Variants in FGF12 observed in about 807,000 individuals in gnomAD.
FGF12 encodes fibroblast growth factor 12.
A neutral mutation model predicts 23.6 loss-of-function variants in FGF12; 14 were observed. The observed-to-expected ratio is 0.59, with a 90% CI of 0.39 to 0.93. The LOEUF (loss-of-function observed/expected upper bound fraction) is 0.93. Among genes scored for constraint, FGF12 ranks in the 40% least tolerant of loss-of-function variants. The probability of loss-of-function intolerance (pLI) is 0.00; values close to 1 mark genes in which losing one functional copy is unlikely to be tolerated. For missense variants in FGF12, 175 were observed against 217.8 expected, an observed-to-expected ratio of 0.80 and a Z score of 1.24; for synonymous variants, 62 against 77.3, an observed-to-expected ratio of 0.80 and a Z score of 1.04.
intron 2 of FGF12, among the ~76,000 whole-genome samples, chr3:192,585,955 G>A (rs1382885078): frequency 2.0e-5 from 3 of 152,090 alleles, no homozygotes; most frequent in Non-Finnish European, 4.4e-5. Flanking sequence ...AATAATATAT[G>A]AAGAGAAAAT....
chr3:192,517,137 G>A (rs1724691948), intron 2 of FGF12: 1 of 152,212 alleles, frequency 6.6e-6, no homozygotes, highest in African/African-American at 2.4e-5. Flanking sequence ...CACTTGAGCA[G>A]AGTGAACAGG....
chr3:192,389,978 C>A (rs185194482), intron 2 of FGF12, among the ~76,000 whole-genome samples: 1 of 152,272 alleles, frequency 6.6e-6, no homozygotes, highest in Admixed American at 6.5e-5. Flanking sequence ...AAAGAAAAAG[C>A]TGTCCTGTAG....
intron 4 of FGF12, among the ~76,000 whole-genome samples, chr3:192,277,429 C>A (rs1044365252): frequency 6.6e-5 from 10 of 152,108 alleles, no homozygotes. Flanking sequence ...ATTGCAAAAC[C>A]AAGAGACACA....
chr3:192,503,360 G>A (rs1453396112), intron 2 of FGF12, among the ~76,000 whole-genome samples: 2 of 152,106 alleles, frequency 1.3e-5, no homozygotes. Context: ...AGAGAGGGTT[G>A]AAAATGGATC....
At chr3:192,687,647 C>T (rs1390159589) in intron 2 of FGF12, among the ~76,000 whole-genome samples, 1 of 152,116 alleles carries the variant, frequency 6.6e-6, no homozygotes, top group Non-Finnish European at 1.5e-5. Context: ...AGGGCATGCA[C>T]CCAACCCTGC....
chr3:192,544,856 C>A (rs1362295761), intron 2 of FGF12, among the ~76,000 whole-genome samples: 5 of 152,096 alleles, frequency 3.3e-5, no homozygotes, highest in African/African-American at 1.2e-4. Flanking sequence ...TATAGCAGAC[C>A]TTTGTATTTC....
chr3:192,225,255 A>ACTAG (rs1718673529), intron 4 of FGF12, among the ~76,000 whole-genome samples: 1 of 152,060 alleles, frequency 6.6e-6, no homozygotes, highest in South Asian at 2.1e-4. Context: ...CCTCCTGCTC[A>ACTAG]CTAGCCATCA....
intron 2 of FGF12, among the ~76,000 whole-genome samples, chr3:192,502,341 T>G (rs1019304363): frequency 3.9e-5 from 6 of 152,228 alleles, no homozygotes; most frequent in African/African-American, 1.4e-4. Context: ...TTGGCTGCCC[T>G]GTTTGAAAAT....
intron 2 of FGF12, among the ~76,000 whole-genome samples, chr3:192,561,393 C>T (rs181692956): frequency 3.2e-4 from 49 of 151,736 alleles, no homozygotes; most frequent in African/African-American, 6.3e-4. Context: ...GACAGAGTCT[C>T]GCTCTTTCAC....
In FGF12 at chr3:192,215,088, C is replaced by T. The variant is rs556779727; in HGVS notation, c.229-44432G>A. Reference sequence around the variant, plus strand: ...AATCAGAGGATGCTTACGTTGTCATCGGCTCTTCCCGAACTCTCTACAGGA... The same window carrying T: ...AATCAGAGGATGCTTACGTTGTCATTGGCTCTTCCCGAACTCTCTACAGGA... On this transcript the variant is annotated intron_variant, in intron 4 of 5. Transcript: ENST00000445105. 1.1e-4 allele frequency among the ~76,000 whole-genome samples: 16 copies of T among 152,320 alleles called. No individual in the cohort carries two copies. In the South Asian group the frequency reaches 3.1e-3, roughly 30 times the overall value.
chr3:192,325,466 G>C (rs1216313604), intron 4 of FGF12, among the ~76,000 whole-genome samples: 1 of 152,098 alleles, frequency 6.6e-6, no homozygotes, highest in African/African-American at 2.4e-5. Context: ...TGATTCATTT[G>C]ACATTAATAG....
rs78405878 is a variant in FGF12, at chr3:192,244,075, T to G, written c.229-73419A>C. Among the ~76,000 whole-genome samples, 59 of 152,232 alleles carry G rather than the reference T, an allele frequency of 3.9e-4. No individual in the cohort carries two copies. The East Asian group carries it at 0.01, about 26-fold the overall frequency. ...AAAATTACATAACTCACTGTGCTAG[T>G]GAAAGTGCAGAAAAATTGGCACTGT... On this transcript the variant is annotated intron_variant, in intron 4 of 5. Coordinates refer to ENST00000445105, the MANE Select transcript of FGF12 (RefSeq NM_004113.6).
chr3:192,390,710 A>T (rs1720252404), intron 2 of FGF12, among the ~76,000 whole-genome samples: 1 of 152,212 alleles, frequency 6.6e-6, no homozygotes, highest in Non-Finnish European at 1.5e-5. Flanking sequence ...TAAACAATAG[A>T]GTAAAACGTT....
chr3:192,603,067 T>C (rs898758777), intron 2 of FGF12, among the ~76,000 whole-genome samples: 1 of 152,044 alleles, frequency 6.6e-6, no homozygotes, highest in Non-Finnish European at 1.5e-5. Flanking sequence ...GACAAATCTA[T>C]AGGCAACATC....
chr3:192,333,238 T>C (rs1232720700), intron 4 of FGF12, among the ~76,000 whole-genome samples: 2 of 152,130 alleles, frequency 1.3e-5, no homozygotes, highest in Non-Finnish European at 2.9e-5. Flanking sequence ...TTCTTCTTCA[T>C]GGACCTTTGG....
At chr3:192,505,221 C>T (rs1050773795) in intron 2 of FGF12, among the ~76,000 whole-genome samples, 9 of 152,104 alleles carry the variant, frequency 5.9e-5, no homozygotes, top group African/African-American at 2.2e-4. Context: ...CCTAGCTACA[C>T]CCTTACTTAT....
intron 2 of FGF12, among the ~76,000 whole-genome samples, chr3:192,703,471 T>C (rs1171487908): frequency 6.6e-6 from 1 of 152,230 alleles, no homozygotes. Flanking sequence ...ATGATGGTAG[T>C]TGCTGAAGAT....
intron 2 of FGF12, among the ~76,000 whole-genome samples, chr3:192,571,861 A>T (rs1428163822): frequency 6.6e-6 from 1 of 151,738 alleles, no homozygotes; most frequent in East Asian, 1.9e-4. Context: ...TGCCTCCTAG[A>T]GGTCTTCCCA....
chr3:192,687,594 T>G (rs762697578), intron 2 of FGF12, among the ~76,000 whole-genome samples: 11 of 152,178 alleles, frequency 7.2e-5, no homozygotes, highest in Non-Finnish European at 1.3e-4. Context: ...GGCCCAGCCA[T>G]CACCACCATG....
Sources: allele counts gnomAD v4.1 joint callset (sites outside exome capture counted in the v4.1 genomes callset), GRCh38; gene constraint gnomAD v4.1.1; transcripts MANE v1.5; gene names NCBI Gene and HGNC (gene_info 2026-07-23, HGNC 2026-07-21).